Variants in C3orf20 observed in about 807,000 individuals in gnomAD.
C3orf20 encodes family with sequence similarity 149 member C, also known as uncharacterized protein C3orf20.
C3orf20 carries 76 observed loss-of-function variants against 88.3 expected under a neutral mutation model. The observed-to-expected ratio is 0.86, with a 90% confidence interval of 0.72 to 1.04. The LOEUF (loss-of-function observed/expected upper bound fraction) is 1.04. Ranked by LOEUF, C3orf20 falls within the 50% of genes least tolerant of loss-of-function variation. C3orf20 has a pLI of 0.00. For missense variants in C3orf20, 1,056 were observed against 1,123.3 expected (o/e 0.94, Z 0.86); for synonymous variants, 436 against 437.4 (o/e 1.00, Z 0.04).
At chr3:14,694,079 T>C (rs535714519) in intron 5 of C3orf20, among the ~76,000 whole-genome samples, 2 of 152,302 alleles carry the variant, frequency 1.3e-5, no homozygotes, top group Admixed American at 6.5e-5. Flanking sequence ...CTTTTTAATG[T>C]GTTGTTGAAT....
At chr3:14,689,831 G>A (rs1030915871) in intron 4 of C3orf20, among the ~76,000 whole-genome samples, 166 bp from the exon 5 acceptor site, 4 of 152,160 alleles carry the variant, frequency 2.6e-5, no homozygotes, top group African/African-American at 9.7e-5. Context: ...TGCTCTGCCG[G>A]TGCATTGCAA....
At chr3:14,684,074 G>C (rs936554028) in intron 3 of C3orf20, among the ~76,000 whole-genome samples, 168 bp from the exon 4 acceptor site, 1 of 152,212 alleles carries the variant, frequency 6.6e-6, no homozygotes, top group Admixed American at 6.5e-5. Flanking sequence ...GACATCTGAA[G>C]GGTCCTCAGA....
intron 10 of C3orf20, among the ~76,000 whole-genome samples, chr3:14,725,599 A>G (rs2034317837): frequency 6.6e-6 from 1 of 152,190 alleles, no homozygotes. Flanking sequence ...AGAAGCAGCA[A>G]CTGGGGCCAA....
chr3:14,768,937 C>G lies in C3orf20; in HGVS notation c.2496-3130C>G, dbSNP rs889179950. ...CTAGATTAGTCTTCCAGAGAAGCACCTGGCCCACTGTCAGCAGGGACATGT... is the reference window on the plus strand; with the variant it reads ...CTAGATTAGTCTTCCAGAGAAGCACGTGGCCCACTGTCAGCAGGGACATGT... On this transcript the variant is annotated intron_variant, in intron 15 of 16. Coordinates refer to ENST00000253697, the MANE Select transcript of C3orf20 (RefSeq NM_032137.5). The surrounding 1 kb of genome is among the most constrained non-coding windows in gnomAD (Gnocchi z 4.1). Among the ~76,000 whole-genome samples the G allele has an allele frequency of 1.3e-5, 2 of 152,048 alleles. No homozygotes were observed. Among genetic ancestry groups the G allele is most frequent in the African/African-American group, 2.4e-5 (1 of 41,330 alleles).
intron 3 of C3orf20, 40 bp downstream of exon 3, chr3:14,683,237 C>CTACA: frequency 6.6e-7 from 1 of 1,522,120 alleles, no homozygotes; most frequent in Non-Finnish European, 8.8e-7. Flanking sequence ...ACCACACCCA[C>CTACA]TACAGACGGG....
At chr3:14,767,814 C>T (rs1412844821) in intron 15 of C3orf20, among the ~76,000 whole-genome samples, 1 of 152,374 alleles carries the variant, frequency 6.6e-6, no homozygotes, top group African/African-American at 2.4e-5. Context: ...CTCTCCAGAA[C>T]AGCAGAGCAC....
intron 12 of C3orf20, among the ~76,000 whole-genome samples, chr3:14,750,830 A>C (rs951070354): frequency 4.6e-5 from 7 of 152,098 alleles, no homozygotes; most frequent in Non-Finnish European, 1.0e-4. Flanking sequence ...AGATATGTAG[A>C]TTTATGTCTT....
At chr3:14,725,897 C>G (rs1402533907) in intron 10 of C3orf20, among the ~76,000 whole-genome samples, 1 of 151,530 alleles carries the variant, frequency 6.6e-6, no homozygotes, top group Admixed American at 6.6e-5. Context: ...GACCAGGACC[C>G]AGGGCAGAAA....
At chr3:14,720,240 C>T (rs887992341) in intron 9 of C3orf20, among the ~76,000 whole-genome samples, 2 of 152,164 alleles carry the variant, frequency 1.3e-5, no homozygotes, top group African/African-American at 4.8e-5. Flanking sequence ...CCGTATTAGC[C>T]AGGATGGTCT....
At position 14,701,462 on chromosome 3, in the gene C3orf20, A is replaced by G. The variant is rs2033256246; in HGVS notation, c.746-1668A>G. ...GGACCTGACACAAATGACTAAATAG[A>G]TGCCCCTGGAACCTAGGGTGGGATA... On this transcript the variant is annotated intron_variant, in intron 5 of 16. Coordinates refer to ENST00000253697, the MANE Select transcript of C3orf20 (RefSeq NM_032137.5). The surrounding 1 kb of genome is among the most constrained non-coding windows in gnomAD (Gnocchi z 4.6). Among the ~76,000 whole-genome samples, 1 of 91,326 alleles carries G rather than the reference A, an allele frequency of 1.1e-5. No individual in the cohort carries two copies. The highest frequency in any genetic ancestry group is 3.7e-4 in the South Asian group (1 of 2,738). The allele number at this position is 91,326 out of a possible 152,430, so 59.9% of individuals were successfully genotyped here.
chr3:14,760,145 A>C, intron 14 of C3orf20, 147 bp downstream of exon 14: 1 of 687,870 alleles, frequency 1.5e-6, no homozygotes, highest in Non-Finnish European at 2.6e-6. Flanking sequence ...GCTGAGGCCC[A>C]GAGAGCAGGA....
intron 12 of C3orf20, among the ~76,000 whole-genome samples, chr3:14,756,042 A>AAAAAAG (rs1559442947): frequency 4.2e-4 from 63 of 148,312 alleles, no homozygotes; most frequent in Non-Finnish European, 6.4e-4. Flanking sequence ...AAAAAAAAAA[A>AAAAAAG]AAAAAGAAAA....
At position 14,768,408 on chromosome 3, in the gene C3orf20, T is replaced by G. The variant is rs972185418; in HGVS notation, c.2496-3659T>G. 4.6e-5 allele frequency among the ~76,000 whole-genome samples: 7 copies of G among 151,786 alleles called. No individual in the cohort carries two copies. The highest frequency in any genetic ancestry group is 3.3e-4 in the Admixed American group (5 of 15,256). On this transcript the variant is annotated intron_variant, in intron 15 of 16. Transcript: ENST00000253697. This position sits in a 1 kb window ranked among gnomAD's most constrained non-coding sequence, Gnocchi z 4.1. The stretch of plus-strand genomic sequence containing the variant: ...TCATGCCAGCAACCCCACACCCCAC[T>G]CAGCCCAAGGAAGCCCCTTGGACAG...
At position 14,772,922 on chromosome 3, in the gene C3orf20, C is replaced by T; in HGVS notation, c.*47C>T. On this transcript the variant is annotated 3_prime_UTR_variant, in exon 17 of 17. Transcript: ENST00000253697. The surrounding 1 kb of genome is among the most constrained non-coding windows in gnomAD (Gnocchi z 4.2). The stretch of plus-strand genomic sequence containing the variant: ...GTGAGCCAGGCCCCGGCCCGGGGTG[C>T]TGGGGCTTCTTGCCAGCCCAGCCCT... 3 of 1,487,432 alleles carry T rather than the reference C, an allele frequency of 2.0e-6. No individual in the cohort carries two copies. Among genetic ancestry groups the T allele is most frequent in the Non-Finnish European group, 2.8e-6 (3 of 1,066,950 alleles). The allele number at this position is 1,487,432 out of a possible 1,614,324, so 92.1% of individuals were successfully genotyped here.
chr3:14,694,135 G>T (rs1229788279), intron 5 of C3orf20, among the ~76,000 whole-genome samples: 1 of 152,092 alleles, frequency 6.6e-6, no homozygotes, highest in African/African-American at 2.4e-5. Flanking sequence ...TTCATCAGTG[G>T]TATTGGCCTG....
intron 10 of C3orf20, among the ~76,000 whole-genome samples, chr3:14,723,943 C>T (rs1055294033): frequency 5.3e-5 from 8 of 152,062 alleles, no homozygotes; most frequent in Non-Finnish European, 4.4e-5. Context: ...CTCATGCCTT[C>T]AGACTCTCGA....
intron 12 of C3orf20, among the ~76,000 whole-genome samples, chr3:14,756,554 G>A (rs761853730): frequency 6.6e-6 from 1 of 150,466 alleles, no homozygotes; most frequent in Non-Finnish European, 1.5e-5. Flanking sequence ...AAAGAGTGTT[G>A]GAAGAAGAGG....
At position 14,757,425 on chromosome 3, in the gene C3orf20, C is replaced by G. The variant is rs745556962; in HGVS notation, c.1995C>G (p.Asp665Glu). Residue 665 changes from aspartate to glutamate, a missense_variant, in exon 13 of 17, where the codon GAC becomes GAG. Transcript: ENST00000253697. ...SPTRWAALPS[D>E]CPLVLRKLML... ...CCAGGTGGGCGGCCTTGCCCTCAGA[C>G]TGCCCGCTGGTGCTGCGGAAGCTCA... The G allele has an allele frequency of 6.2e-7, 1 of 1,612,174 alleles. No homozygotes were observed. The highest frequency in any genetic ancestry group is 8.5e-7 in the Non-Finnish European group (1 of 1,179,886).
Position 14,714,043 on chromosome 3 carries a change from C to A in C3orf20, c.1197C>A (p.Pro399=), listed in dbSNP as rs1467525374. ...GAAACGTCGCTGTATGTCAGATCCC[C>A]ACATGCTGCAGAGGGAGAACCATCA... ...PSGNVAVCQI[P]TCCRGRTITC... The change falls in exon 8 of 17, where the codon CCC becomes CCA. Residue 399 remains proline (P), a synonymous_variant. Coordinates refer to ENST00000253697, the MANE Select transcript of C3orf20 (RefSeq NM_032137.5). The A allele has an allele frequency of 3.0e-5, 48 of 1,614,014 alleles. No homozygotes were observed. Among genetic ancestry groups the A allele is most frequent in the Non-Finnish European group, 4.0e-5 (47 of 1,180,026 alleles).
Sources: allele counts gnomAD v4.1 joint callset (sites outside exome capture counted in the v4.1 genomes callset), GRCh38; gene constraint gnomAD v4.1.1; non-coding constraint Gnocchi (gnomAD v3.1); transcripts MANE v1.5; gene names NCBI Gene and HGNC (gene_info 2026-07-23, HGNC 2026-07-21).